The following HS6ST3 variants were observed in gnomAD, a reference collection of about 807,000 sequenced individuals.
HS6ST3 encodes the protein heparan-sulfate 6-O-sulfotransferase 3.
A neutral mutation model predicts 36.7 loss-of-function variants in HS6ST3; 12 were observed. That is an observed-to-expected ratio of 0.33 (90% CI 0.21 to 0.53). HS6ST3 has a LOEUF of 0.53. HS6ST3 is among the 20% of genes least tolerant of loss of function. The probability of loss-of-function intolerance (pLI) is 0.95; values close to 1 mark genes in which losing one functional copy is unlikely to be tolerated. For synonymous variants in HS6ST3, 240 were observed against 257.5 expected, an observed-to-expected ratio of 0.93 and a Z score of 0.65; for missense variants, 584 against 640.9, an observed-to-expected ratio of 0.91 and a Z score of 0.96.
chr13:96,627,325 T>C (rs1347324724), intron 1 of HS6ST3, among the ~76,000 whole-genome samples: 2 of 152,032 alleles, frequency 1.3e-5, no homozygotes, highest in Admixed American at 6.5e-5. Context: ...AATGATAAGT[T>C]AGAGTAATCA....
chr13:96,340,159 A>G (rs1029471921), intron 1 of HS6ST3, among the ~76,000 whole-genome samples: 3 of 152,228 alleles, frequency 2.0e-5, no homozygotes, highest in Non-Finnish European at 4.4e-5. Flanking sequence ...ATGTTGCTGA[A>G]TCATAGGAAA....
chr13:96,710,414 C>G (rs1875532690), intron 1 of HS6ST3, among the ~76,000 whole-genome samples: 1 of 152,242 alleles, frequency 6.6e-6, no homozygotes, highest in South Asian at 2.1e-4. Flanking sequence ...CACAGACCAT[C>G]CAGAGCTGAC....
At chr13:96,215,043 G>T (rs764322967) in intron 1 of HS6ST3, among the ~76,000 whole-genome samples, 1 of 152,176 alleles carries the variant, frequency 6.6e-6, no homozygotes, top group African/African-American at 2.4e-5. Context: ...CAGAGTGGGA[G>T]GGGGTCGTCA....
intron 1 of HS6ST3, among the ~76,000 whole-genome samples, chr13:96,648,464 G>A (rs2139010917): frequency 6.8e-6 from 1 of 146,126 alleles, no homozygotes; most frequent in East Asian, 2.1e-4. Flanking sequence ...CAGTTCATAT[G>A]CTGAGCACTT....
chr13:96,776,368 T>A (rs563960457), intron 1 of HS6ST3, among the ~76,000 whole-genome samples: 1 of 152,030 alleles, frequency 6.6e-6, no homozygotes, highest in Non-Finnish European at 1.5e-5. Flanking sequence ...GATAGAGACA[T>A]GAAAAAACCT....
At chr13:96,223,790 T>C (rs1384828770) in intron 1 of HS6ST3, among the ~76,000 whole-genome samples, 1 of 152,156 alleles carries the variant, frequency 6.6e-6, no homozygotes, top group Admixed American at 6.6e-5. Flanking sequence ...TGGCTATGAC[T>C]ATGTAACTGA....
At chr13:96,776,260 T>C (rs2138510789) in intron 1 of HS6ST3, among the ~76,000 whole-genome samples, 1 of 152,028 alleles carries the variant, frequency 6.6e-6, no homozygotes, top group African/African-American at 2.4e-5. Flanking sequence ...ATCAACACCC[T>C]AACATCACAA....
intron 1 of HS6ST3, among the ~76,000 whole-genome samples, chr13:96,693,037 G>C (rs755399654): frequency 2.0e-5 from 3 of 152,088 alleles, no homozygotes; most frequent in Non-Finnish European, 4.4e-5. Context: ...GCCTCCAAGG[G>C]TTGATGTCCA....
intron 1 of HS6ST3, among the ~76,000 whole-genome samples, chr13:96,533,830 A>C (rs2056145048): frequency 6.6e-6 from 1 of 152,160 alleles, no homozygotes; most frequent in African/African-American, 2.4e-5. Flanking sequence ...TATGGGCTTT[A>C]GCATACTGCC....
intron 1 of HS6ST3, among the ~76,000 whole-genome samples, chr13:96,281,998 T>C (rs182303316): frequency 1.5e-4 from 23 of 152,354 alleles, no homozygotes; most frequent in African/African-American, 4.1e-4. Flanking sequence ...TCTGTACTTA[T>C]GTGAATTCTC....
intron 1 of HS6ST3, among the ~76,000 whole-genome samples, chr13:96,261,963 C>T (rs1168143730): frequency 1.3e-5 from 2 of 152,118 alleles, no homozygotes; most frequent in Admixed American, 6.6e-5. Flanking sequence ...AAGGATCAAC[C>T]GCTTTTGTAG....
At chr13:96,661,905 A>G (rs2056647722) in intron 1 of HS6ST3, among the ~76,000 whole-genome samples, 1 of 152,176 alleles carries the variant, frequency 6.6e-6, no homozygotes, top group Non-Finnish European at 1.5e-5. Context: ...TTTCTTTAGG[A>G]ATATTGAAAA....
chr13:96,156,056 A>G (rs1264805194), intron 1 of HS6ST3, among the ~76,000 whole-genome samples: 2 of 152,200 alleles, frequency 1.3e-5, no homozygotes, highest in Non-Finnish European at 2.9e-5. Flanking sequence ...GAATCATCTA[A>G]CAATCTATAA....
At chr13:96,408,928 AAAAAG>A (rs376645436) in intron 1 of HS6ST3, among the ~76,000 whole-genome samples, 10 of 152,258 alleles carry the variant, frequency 6.6e-5, no homozygotes, top group South Asian at 2.1e-4. Flanking sequence ...CGTCTCAAAA[AAAAAG>A]AAAAGAAAAG....
At chr13:96,630,640 T>C (rs955259705) in intron 1 of HS6ST3, among the ~76,000 whole-genome samples, 1 of 152,126 alleles carries the variant, frequency 6.6e-6, no homozygotes, top group Non-Finnish European at 1.5e-5. Context: ...CCTGACAAGC[T>C]ACCCAAATAG....
chr13:96,509,983 T>A (rs1360785200), intron 1 of HS6ST3, among the ~76,000 whole-genome samples: 1 of 152,200 alleles, frequency 6.6e-6, no homozygotes, highest in Admixed American at 6.6e-5. Flanking sequence ...GAGCATGGGA[T>A]GTGTTTCCAT....
At chr13:96,570,306 A>G (rs1200492781) in intron 1 of HS6ST3, among the ~76,000 whole-genome samples, 1 of 152,208 alleles carries the variant, frequency 6.6e-6, no homozygotes, top group East Asian at 1.9e-4. Flanking sequence ...CCTCTTTGCC[A>G]ACTTAATGTT....
Position 96,112,583 on chromosome 13 carries a change from ATATATATAT to A in HS6ST3, c.707+21015_707+21023del, listed in dbSNP as rs1566884884. On this transcript the variant is annotated intron_variant, in intron 1 of 1. Coordinates refer to ENST00000376705, the MANE Select transcript of HS6ST3 (RefSeq NM_153456.4). The stretch of plus-strand genomic sequence containing the variant: ...CCCCATCTCTAAAATAAATAAATAT[ATATATATAT>A]ATATATATATATATATATATATATA... Among the ~76,000 whole-genome samples the A allele has an allele frequency of 9.3e-4, 39 of 41,970 alleles. 1 individual carries two copies. The highest frequency in any genetic ancestry group is 3.0e-3 in the African/African-American group (35 of 11,720). 27.5% of individuals were successfully genotyped at this position (41,970 alleles called of 152,430 possible). A position where few individuals can be genotyped will look rare whatever the true frequency, so the allele number is the denominator to read the frequency against.
intron 1 of HS6ST3, among the ~76,000 whole-genome samples, chr13:96,685,774 C>T (rs1162303549): frequency 3.3e-5 from 5 of 152,026 alleles, no homozygotes; most frequent in South Asian, 4.1e-4. Context: ...ATCTCATTCC[C>T]GTTTTCCTTC....
Sources: gnomAD v4.1 joint callset for allele counts (sites outside exome capture counted in the v4.1 genomes callset) on GRCh38, gnomAD v4.1.1 for gene constraint, MANE v1.5 for transcripts, NCBI Gene and HGNC (gene_info 2026-07-23, HGNC 2026-07-21) for gene names.